TTC28: variants seen among roughly 807,000 people sequenced by gnomAD.
TTC28 encodes the protein tetratricopeptide repeat domain 28, also known as tetratricopeptide repeat protein 28.
TTC28 carries 61 observed loss-of-function variants against 198.0 expected under a neutral mutation model. The ratio of observed to expected loss-of-function variants is 0.31; its 90% CI spans 0.25 to 0.38. The LOEUF is 0.38. Ranked by LOEUF, TTC28 falls within the 10% of genes least tolerant of loss-of-function variation. TTC28 has a pLI of 1.00. For missense variants in TTC28, 2,678 were observed against 3,164.0 expected (o/e 0.85, Z 3.69); for synonymous variants, 1,171 against 1,297.8 (o/e 0.90, Z 2.10).
chr22:28,420,234 A>T (rs1484546950), intron 2 of TTC28, among the ~76,000 whole-genome samples: 1 of 152,234 alleles, frequency 6.6e-6, no homozygotes, highest in Non-Finnish European at 1.5e-5. Flanking sequence ...ACCTCTGTAT[A>T]AAAAATCTAC....
At chr22:28,231,435 T>C (rs1316767954) in intron 5 of TTC28, among the ~76,000 whole-genome samples, 1 of 152,246 alleles carries the variant, frequency 6.6e-6, no homozygotes, top group Non-Finnish European at 1.5e-5. Context: ...GTCCTATTTT[T>C]AAATTTTAAG....
At chr22:28,275,291 G>C (rs1932350053) in intron 5 of TTC28, among the ~76,000 whole-genome samples, 1 of 152,204 alleles carries the variant, frequency 6.6e-6, no homozygotes, top group Non-Finnish European at 1.5e-5. Flanking sequence ...AATAAGGAGA[G>C]AAGGCCCTTA....
intron 2 of TTC28, among the ~76,000 whole-genome samples, chr22:28,556,920 C>T (rs2049795792): frequency 6.6e-6 from 1 of 152,328 alleles, no homozygotes; most frequent in East Asian, 1.9e-4. Flanking sequence ...TGATTGGCTT[C>T]ATCCAGAGTG....
intron 2 of TTC28, among the ~76,000 whole-genome samples, chr22:28,491,653 CT>C (rs1471109573): frequency 6.6e-6 from 1 of 152,188 alleles, no homozygotes; most frequent in Non-Finnish European, 1.5e-5. Flanking sequence ...CACTTTTACA[CT>C]GTTGGTGGGA....
chr22:28,476,699 T>C (rs1025591870), intron 2 of TTC28, among the ~76,000 whole-genome samples: 1 of 152,188 alleles, frequency 6.6e-6, no homozygotes, highest in African/African-American at 2.4e-5. Flanking sequence ...GGTAGTACAA[T>C]TTTGAAATAG....
intron 3 of TTC28, among the ~76,000 whole-genome samples, chr22:28,305,243 G>A (rs1339634247): frequency 6.6e-6 from 1 of 151,972 alleles, no homozygotes; most frequent in East Asian, 1.9e-4. Context: ...TGCCCACCTC[G>A]GCCTCCCAAA....
intron 2 of TTC28, among the ~76,000 whole-genome samples, chr22:28,409,732 G>T (rs9613608): frequency 6.7e-6 from 1 of 149,080 alleles, no homozygotes; most frequent in Non-Finnish European, 1.5e-5. Context: ...TCTTGGCTCA[G>T]CGCAACCTCC....
chr22:28,610,079 C>A (rs2050795320), intron 2 of TTC28, among the ~76,000 whole-genome samples: 1 of 152,214 alleles, frequency 6.6e-6, no homozygotes, highest in African/African-American at 2.4e-5. Context: ...AAAAAGGCAG[C>A]AGCCCCAGTC....
intron 2 of TTC28, among the ~76,000 whole-genome samples, chr22:28,388,371 A>G (rs1161738100): frequency 6.6e-6 from 1 of 152,130 alleles, no homozygotes; most frequent in Non-Finnish European, 1.5e-5. Context: ...GTTTTTTCCA[A>G]TTCTGTGAAG....
chr22:28,210,767 C>CA (rs1437449304), intron 5 of TTC28, among the ~76,000 whole-genome samples: 8 of 152,078 alleles, frequency 5.3e-5, no homozygotes, highest in South Asian at 2.1e-4. Flanking sequence ...GGCCAACATT[C>CA]AATTCAGGAA....
At chr22:28,548,393 A>G (rs1601550608) in intron 2 of TTC28, among the ~76,000 whole-genome samples, 2 of 152,326 alleles carry the variant, frequency 1.3e-5, no homozygotes, top group Middle Eastern at 3.4e-3. Flanking sequence ...TCAAACCAAC[A>G]TGGCAATCTC....
At chr22:28,390,299 C>A (rs1231631024) in intron 2 of TTC28, among the ~76,000 whole-genome samples, 1 of 151,980 alleles carries the variant, frequency 6.6e-6, no homozygotes, top group Non-Finnish European at 1.5e-5. Context: ...GGGTGTGGTG[C>A]TGAAAAAAAT....
intron 2 of TTC28, among the ~76,000 whole-genome samples, chr22:28,375,137 C>T (rs1273152869): frequency 6.6e-6 from 1 of 151,634 alleles, no homozygotes; most frequent in African/African-American, 2.4e-5. Context: ...AAAGAAAAGG[C>T]CACAAAAAAG....
intron 2 of TTC28, among the ~76,000 whole-genome samples, chr22:28,409,592 TA>T (rs1315111151): frequency 1.3e-5 from 2 of 149,918 alleles, no homozygotes; most frequent in African/African-American, 4.9e-5. Flanking sequence ...ATAAAAAACA[TA>T]TATGGAAACA....
At chr22:28,636,080 T>G (rs1291404864) in intron 1 of TTC28, among the ~76,000 whole-genome samples, 1 of 151,256 alleles carries the variant, frequency 6.6e-6, no homozygotes, top group Non-Finnish European at 1.5e-5. Context: ...GCTCATTTCC[T>G]TTAGCATGAC....
intron 6 of TTC28, among the ~76,000 whole-genome samples, chr22:28,133,609 A>T (rs1021460323): frequency 2.6e-5 from 4 of 152,166 alleles, no homozygotes; most frequent in African/African-American, 4.8e-5. Flanking sequence ...AGCCTCCCTC[A>T]TTGCTAGCAC....
At chr22:28,541,049 G>T (rs2049400493) in intron 2 of TTC28, among the ~76,000 whole-genome samples, 1 of 152,086 alleles carries the variant, frequency 6.6e-6, no homozygotes, top group Non-Finnish European at 1.5e-5. Context: ...AATTATACTT[G>T]ATATACTTGT....
intron 5 of TTC28, among the ~76,000 whole-genome samples, chr22:28,243,230 T>C (rs527670969): frequency 8.0e-6 from 1 of 125,660 alleles, no homozygotes; most frequent in Admixed American, 8.7e-5. Context: ...AGCCACACTG[T>C]CACACACCTG....
At chr22:28,298,373 C>G (rs2044944278) in intron 3 of TTC28, among the ~76,000 whole-genome samples, 1 of 152,108 alleles carries the variant, frequency 6.6e-6, no homozygotes, top group South Asian at 2.1e-4. Flanking sequence ...ACTGTAACAC[C>G]ATAGCAAGTG....
Sources: allele counts gnomAD v4.1 joint callset (sites outside exome capture counted in the v4.1 genomes callset), GRCh38; gene constraint gnomAD v4.1.1; transcripts MANE v1.5; gene names NCBI Gene and HGNC (gene_info 2026-07-23, HGNC 2026-07-21).